Variants in MYCBP2 observed in about 807,000 individuals in gnomAD.
MYCBP2 encodes MYC binding protein 2.
Under a neutral mutation model 525.3 loss-of-function variants are expected in MYCBP2, and 120 were observed. That is an observed-to-expected ratio of 0.23 (90% CI 0.20 to 0.27). MYCBP2 has a LOEUF of 0.27. MYCBP2 is among the 10% of genes least tolerant of loss of function. MYCBP2 has a pLI of 1.00. For missense variants in MYCBP2, 4,149 were observed against 5,657.1 expected (o/e 0.73, Z 8.55); for synonymous variants, 1,894 against 1,955.8 (o/e 0.97, Z 0.83).
chr13:77,049,354 T>C (rs576301203), intron 82 of MYCBP2, among the ~76,000 whole-genome samples: 328 of 152,282 alleles, frequency 2.2e-3, no homozygotes, highest in African/African-American at 7.6e-3. Context: ...CATGAGCAAA[T>C]GGTAAAAAGT....
chr13:77,087,724 C>A (rs2044588295), intron 61 of MYCBP2, 91 bp from the exon 62 acceptor site: 3 of 1,070,830 alleles, frequency 2.8e-6, no homozygotes, highest in South Asian at 1.9e-5. Context: ...ATTAAGACTT[C>A]AAAGAAAGAT....
At chr13:77,150,092 T>C (rs777103148) in intron 47 of MYCBP2, among the ~76,000 whole-genome samples, 2 of 152,194 alleles carry the variant, frequency 1.3e-5, no homozygotes, top group Non-Finnish European at 2.9e-5. Flanking sequence ...CGGATTAACA[T>C]TGCCTCTGAA....
At chr13:77,180,014 T>C in intron 34 of MYCBP2, 113 bp downstream of exon 34, 1 of 738,336 alleles carries the variant, frequency 1.4e-6, no homozygotes, top group Non-Finnish European at 2.2e-6. Context: ...TGCATTGGGG[T>C]TGCTAATCCA....
chr13:77,070,771 G>A, intron 68 of MYCBP2, 60 bp from the exon 69 acceptor site: 1 of 1,053,150 alleles, frequency 9.5e-7, no homozygotes, highest in Non-Finnish European at 1.4e-6. Flanking sequence ...AATAAAATTT[G>A]TATATGTGAT....
intron 1 of MYCBP2, among the ~76,000 whole-genome samples, chr13:77,307,016 AC>A (rs1418695922): frequency 6.6e-6 from 1 of 152,258 alleles, no homozygotes; most frequent in African/African-American, 2.4e-5. Flanking sequence ...AACTGACACT[AC>A]AGACTCCATA....
chr13:77,225,429 C>T lies in MYCBP2; in HGVS notation c.2857+6G>A, dbSNP rs527343591. Reference sequence around the variant, plus strand: ...CGCAGTTATACCCTAAAGTTCCAGCCGCTACCTGAATGGTGAAATCCACAG... The same window carrying T: ...CGCAGTTATACCCTAAAGTTCCAGCTGCTACCTGAATGGTGAAATCCACAG... On this transcript the variant is annotated splice_donor_region_variant and intron_variant, in intron 19 of 82. Transcript: ENST00000544440. 35 of 1,613,476 alleles carry T rather than the reference C, an allele frequency of 2.2e-5. No individual in the cohort carries two copies. Among genetic ancestry groups the T allele is most frequent in the Non-Finnish European group, 2.6e-5 (31 of 1,179,608 alleles).
intron 55 of MYCBP2, among the ~76,000 whole-genome samples, chr13:77,104,190 G>A (rs889039138): frequency 6.6e-6 from 1 of 151,986 alleles, no homozygotes; most frequent in Admixed American, 6.6e-5. Flanking sequence ...GGAGATAGTT[G>A]TCTTAGTATT....
At chr13:77,084,782 C>A (rs1183917967) in intron 62 of MYCBP2, among the ~76,000 whole-genome samples, 1 of 152,076 alleles carries the variant, frequency 6.6e-6, no homozygotes, top group African/African-American at 2.4e-5. Context: ...AAATTGCATG[C>A]CCAGTCTAAG....
chr13:77,136,110 T>C (rs551890687), intron 52 of MYCBP2, among the ~76,000 whole-genome samples: 9 of 152,320 alleles, frequency 5.9e-5, no homozygotes, highest in Non-Finnish European at 1.2e-4. Context: ...TGAGCCACCG[T>C]GCCCAGCCTG....
At chr13:77,198,722 T>A (rs1193827621) in intron 26 of MYCBP2, among the ~76,000 whole-genome samples, 2 of 152,188 alleles carry the variant, frequency 1.3e-5, no homozygotes, top group South Asian at 4.1e-4. Flanking sequence ...GCCTACCAGA[T>A]GGAATCCTCC....
intron 46 of MYCBP2, among the ~76,000 whole-genome samples, chr13:77,153,178 G>A (rs2056751753): frequency 6.6e-6 from 1 of 152,066 alleles, no homozygotes. Flanking sequence ...GACACACTGG[G>A]TGCAGGAACC....
intron 44 of MYCBP2, among the ~76,000 whole-genome samples, chr13:77,161,567 T>C (rs957213273): frequency 6.6e-6 from 1 of 152,146 alleles, no homozygotes; most frequent in Admixed American, 6.5e-5. Context: ...TTCCCCTTTC[T>C]CTAGCAGGCA....
chr13:77,132,308 T>C (rs1387446391), intron 52 of MYCBP2, among the ~76,000 whole-genome samples: 1 of 152,116 alleles, frequency 6.6e-6, no homozygotes, highest in Non-Finnish European at 1.5e-5. Context: ...AGGAATGAAA[T>C]TGGATTTAAT....
chr13:77,135,983 C>T (rs2053693975), intron 52 of MYCBP2, among the ~76,000 whole-genome samples: 1 of 152,010 alleles, frequency 6.6e-6, no homozygotes, highest in Admixed American at 6.5e-5. Context: ...CTATAGGCGT[C>T]CACCACCACG....
chr13:77,113,537 T>C (rs2049208120), intron 55 of MYCBP2, among the ~76,000 whole-genome samples: 1 of 151,772 alleles, frequency 6.6e-6, no homozygotes, highest in Non-Finnish European at 1.5e-5. Flanking sequence ...AAGGGTGAAA[T>C]AAACACAGTA....
At chr13:77,269,845 C>T (rs541101744) in intron 7 of MYCBP2, 147 bp downstream of exon 7, 43 of 665,372 alleles carry the variant, frequency 6.5e-5, no homozygotes, top group East Asian at 1.9e-4. Context: ...GTGTTCTTTA[C>T]GCTACACTAT....
intron 21 of MYCBP2, among the ~76,000 whole-genome samples, chr13:77,215,741 G>A (rs1210897579): frequency 6.6e-6 from 1 of 152,018 alleles, no homozygotes. Context: ...CATGTGCCAC[G>A]GCACCCAGCT....
Position 77,097,482 on chromosome 13 carries a change from A to G in MYCBP2, c.9672T>C (p.Phe3224=), listed in dbSNP as rs138220917. ...CTACTGCCAGCTGGGCCATCTCTCCAAACAAATTACCCCTGGGCCTAACTT... is the reference window on the plus strand; with the variant it reads ...CTACTGCCAGCTGGGCCATCTCTCCGAACAAATTACCCCTGGGCCTAACTT... ...KAEVRPRGNL[F]GEMAQLAVGG... The change falls in exon 56 of 83, where the codon TTT becomes TTC. Residue 3224 remains phenylalanine (F), a synonymous_variant. Transcript: ENST00000544440. 4 of 1,613,236 alleles carry G rather than the reference A, an allele frequency of 2.5e-6. No individual in the cohort carries two copies. The highest frequency in any genetic ancestry group is 3.4e-6 in the Non-Finnish European group (4 of 1,179,714).
chr13:77,139,979 A>T (rs895746783), intron 51 of MYCBP2, 68 bp downstream of exon 51: 6 of 1,010,482 alleles, frequency 5.9e-6, no homozygotes, highest in Non-Finnish European at 8.8e-6. Flanking sequence ...CAGTAACCTT[A>T]TTATTATGCA....
Sources: gnomAD v4.1 joint callset for allele counts (sites outside exome capture counted in the v4.1 genomes callset) on GRCh38, gnomAD v4.1.1 for gene constraint, MANE v1.5 for transcripts, NCBI Gene and HGNC (gene_info 2026-07-23, HGNC 2026-07-21) for gene names.